Variants in GRIK2 observed in about 807,000 individuals in gnomAD.
The protein encoded by GRIK2 is glutamate ionotropic receptor kainate type subunit 2, also known as glutamate receptor ionotropic, kainate 2.
Under a neutral mutation model 100.3 loss-of-function variants are expected in GRIK2, and 32 were observed. The observed-to-expected ratio is 0.32, with a 90% CI of 0.24 to 0.43. The LOEUF (loss-of-function observed/expected upper bound fraction) is 0.43, where lower values mean the gene tolerates loss of function less well. Ranked by LOEUF, GRIK2 falls within the 20% of genes least tolerant of loss-of-function variation. The probability of loss-of-function intolerance (pLI) is 1.00; values close to 1 mark genes in which losing one functional copy is unlikely to be tolerated. For missense variants in GRIK2, 843 were observed against 1,114.9 expected, an observed-to-expected ratio of 0.76 and a Z score of 3.47; for synonymous variants, 417 against 389.4, an observed-to-expected ratio of 1.07 and a Z score of -0.83.
intron 2 of GRIK2, among the ~76,000 whole-genome samples, chr6:101,539,557 A>G (rs148037547): frequency 2.2e-3 from 330 of 151,908 alleles, no homozygotes; most frequent in Middle Eastern, 6.8e-3. Flanking sequence ...TCATCTGCCT[A>G]GGAGGGATAG....
intron 3 of GRIK2, among the ~76,000 whole-genome samples, chr6:101,625,737 GA>G (rs1780399238): frequency 6.6e-6 from 1 of 152,056 alleles, no homozygotes; most frequent in Non-Finnish European, 1.5e-5. Context: ...TTAAAAAATA[GA>G]ATAATAGAAA....
intron 14 of GRIK2, among the ~76,000 whole-genome samples, chr6:102,016,043 C>G (rs1417945381): frequency 6.6e-6 from 1 of 152,096 alleles, no homozygotes; most frequent in Non-Finnish European, 1.5e-5. Flanking sequence ...CATCAGCCCA[C>G]AAAGATGAGA....
chr6:101,911,385 ATAT>A (rs1442388181), intron 12 of GRIK2, among the ~76,000 whole-genome samples: 1 of 151,566 alleles, frequency 6.6e-6, no homozygotes, highest in Non-Finnish European at 1.5e-5. Context: ...TGAATCAAGA[ATAT>A]TATTATTTAT....
At chr6:101,960,899 G>A (rs1456834598) in intron 14 of GRIK2, among the ~76,000 whole-genome samples, 1 of 152,178 alleles carries the variant, frequency 6.6e-6, no homozygotes, top group African/African-American at 2.4e-5. Flanking sequence ...GTTGTCACAT[G>A]TAGTGGGCTG....
intron 4 of GRIK2, among the ~76,000 whole-genome samples, chr6:101,667,034 C>A (rs1365001415): frequency 1.3e-5 from 2 of 152,070 alleles, no homozygotes; most frequent in African/African-American, 2.4e-5. Context: ...CATTTAAATA[C>A]CTTTGTCTAT....
chr6:102,031,082 C>CACAG (rs1769963166), intron 14 of GRIK2, among the ~76,000 whole-genome samples: 1 of 80,488 alleles, frequency 1.2e-5, no homozygotes, highest in Non-Finnish European at 2.3e-5. Context: ...GCATTACACA[C>CACAG]ACACACACAC....
At position 101,587,398 on chromosome 6, in the gene GRIK2, GTCCC is replaced by G. The variant is rs544253745; in HGVS notation, c.116-34547_116-34544del. Among the ~76,000 whole-genome samples, 857 of 152,024 alleles carry G rather than the reference GTCCC, an allele frequency of 5.6e-3. 11 individuals carry two copies. Among genetic ancestry groups the G allele is most frequent in the African/African-American group, 0.02 (825 of 41,488 alleles). The stretch of plus-strand genomic sequence containing the variant: ...AATCTATCTGTCTGTCCGTCTGTCT[GTCCC>G]TCCGTCCATCCATCCATTCATCCAT... On this transcript the variant is annotated intron_variant, in intron 2 of 16. Coordinates refer to ENST00000369134, the MANE Select transcript of GRIK2 (RefSeq NM_021956.5).
At chr6:101,599,704 C>A (rs1377928041) in intron 2 of GRIK2, among the ~76,000 whole-genome samples, 1 of 151,512 alleles carries the variant, frequency 6.6e-6, no homozygotes, top group Non-Finnish European at 1.5e-5. Flanking sequence ...ACATGTATGT[C>A]TTCTTTTGAA....
At chr6:101,632,944 A>G (rs1361110719) in intron 4 of GRIK2, among the ~76,000 whole-genome samples, 1 of 152,156 alleles carries the variant, frequency 6.6e-6, no homozygotes, top group Non-Finnish European at 1.5e-5. Context: ...AAGGATAAGT[A>G]AAATGCTGCA....
chr6:101,969,800 C>T (rs543929455), intron 14 of GRIK2, among the ~76,000 whole-genome samples: 4 of 152,010 alleles, frequency 2.6e-5, no homozygotes, highest in Admixed American at 6.6e-5. Flanking sequence ...GAGCAGCATA[C>T]GAGTTTGGTC....
chr6:101,575,011 A>G (rs1397332912), intron 2 of GRIK2, among the ~76,000 whole-genome samples: 1 of 151,812 alleles, frequency 6.6e-6, no homozygotes, highest in Non-Finnish European at 1.5e-5. Context: ...TGCACCTACT[A>G]AAAGTGTTTG....
chr6:102,056,568 T>G (rs1771471583), intron 16 of GRIK2, among the ~76,000 whole-genome samples: 2 of 152,004 alleles, frequency 1.3e-5, no homozygotes, highest in South Asian at 4.1e-4. Flanking sequence ...ATATAATCTT[T>G]AATATTTAAG....
chr6:101,849,609 T>C (rs893454484), intron 10 of GRIK2, among the ~76,000 whole-genome samples: 1 of 152,058 alleles, frequency 6.6e-6, no homozygotes, highest in African/African-American at 2.4e-5. Flanking sequence ...TATGATTTAA[T>C]GCCTTCAGTA....
intron 2 of GRIK2, among the ~76,000 whole-genome samples, chr6:101,524,984 C>T (rs1334544309): frequency 1.3e-5 from 2 of 152,060 alleles, no homozygotes; most frequent in African/African-American, 4.8e-5. Context: ...CTACCCACCT[C>T]GGCCTCCCAA....
At chr6:101,505,174 A>G (rs1368121188) in intron 2 of GRIK2, among the ~76,000 whole-genome samples, 2 of 151,984 alleles carry the variant, frequency 1.3e-5, no homozygotes, top group East Asian at 1.9e-4. Context: ...AATCACTCAC[A>G]TTGTTCAATT....
chr6:101,960,831 T>C (rs887970089), intron 14 of GRIK2, among the ~76,000 whole-genome samples: 1 of 152,168 alleles, frequency 6.6e-6, no homozygotes, highest in East Asian at 1.9e-4. Context: ...TAGGTGGTAG[T>C]TACGGGTAAC....
chr6:101,840,940 A>T (rs1048781413), intron 10 of GRIK2, among the ~76,000 whole-genome samples: 6 of 152,236 alleles, frequency 3.9e-5, no homozygotes, highest in African/African-American at 1.4e-4. Context: ...TTCATGTTAT[A>T]TGAAGAATAC....
chr6:101,686,064 C>G (rs546460355), intron 6 of GRIK2, 116 bp from the exon 7 acceptor site: 1 of 640,120 alleles, frequency 1.6e-6, no homozygotes, highest in African/African-American at 1.8e-5. Flanking sequence ...TTTAACGTCA[C>G]TTGACACAAA....
intron 2 of GRIK2, among the ~76,000 whole-genome samples, chr6:101,549,585 CA>C (rs2128291942): frequency 6.6e-6 from 1 of 152,058 alleles, no homozygotes; most frequent in Admixed American, 6.5e-5. Flanking sequence ...TTTAATGCAG[CA>C]ATTTTTTTCT....
Sources: gnomAD v4.1 joint callset for allele counts (sites outside exome capture counted in the v4.1 genomes callset) on GRCh38, gnomAD v4.1.1 for gene constraint, MANE v1.5 for transcripts, NCBI Gene and HGNC (gene_info 2026-07-23, HGNC 2026-07-21) for gene names.